Variants in STK17B observed in about 807,000 individuals in gnomAD.
The protein encoded by STK17B is serine/threonine-protein kinase 17B.
STK17B carries 21 observed loss-of-function variants against 42.0 expected under a neutral mutation model. That is an observed-to-expected ratio of 0.50 (90% CI 0.35 to 0.72). STK17B has a LOEUF of 0.72. Among genes scored for constraint, STK17B ranks in the 30% least tolerant of loss-of-function variants. The probability of loss-of-function intolerance (pLI) is 0.00; values close to 1 mark genes in which losing one functional copy is unlikely to be tolerated. For synonymous variants in STK17B, 143 were observed against 148.4 expected, an observed-to-expected ratio of 0.96 and a Z score of 0.26; for missense variants, 349 against 446.0, an observed-to-expected ratio of 0.78 and a Z score of 1.96.
Position 196,141,311 on chromosome 2 carries a change from TA to T in STK17B, c.608-15del, listed in dbSNP as rs1559408471. On this transcript the variant is annotated splice_polypyrimidine_tract_variant and intron_variant, in intron 5 of 7. Transcript: ENST00000263955. ...GGATTTCTGGAGCTGAAAGAAAAGA[TA>T]AAACTTAAATTCAATATTGACAAAT... 2 of 1,594,778 alleles carry T rather than the reference TA, an allele frequency of 1.3e-6. No homozygotes were observed. Among genetic ancestry groups the T allele is most frequent in the Non-Finnish European group, 1.7e-6 (2 of 1,167,762 alleles).
rs1344474382 is a variant in STK17B, at chr2:196,135,227, T to C, written c.*2220A>G. 1 of 152,174 alleles carries C rather than the reference T, an allele frequency of 6.6e-6. No individual in the cohort carries two copies. The highest frequency in any genetic ancestry group is 1.5e-5 in the Non-Finnish European group (1 of 68,020). The allele number at this position is 152,174 out of a possible 1,614,324, so 9.4% of individuals were successfully genotyped here. ...TCTAAAAATTAAAAATATAATATGG[T>C]CTTCAGAAACATAATCATTTCATTA... is the stretch of plus-strand genomic sequence containing the variant. On this transcript the variant is annotated 3_prime_UTR_variant, in exon 8 of 8. Transcript: ENST00000263955.
chr2:196,145,856 C>G, intron 4 of STK17B, 55 bp downstream of exon 4: 1 of 1,500,070 alleles, frequency 6.7e-7, no homozygotes, highest in Admixed American at 2.4e-5. Context: ...ACTGTGCATA[C>G]TAAGAGCAGA....
rs1027788860 is a variant in STK17B at position 196,135,443 on chromosome 2, A to G, written c.*2004T>C. 2.0e-5 allele frequency: 3 copies of G among 152,242 alleles called. No individual in the cohort carries two copies. Among genetic ancestry groups the G allele is most frequent in the Admixed American group, 6.5e-5 (1 of 15,280 alleles). The allele number at this position is 152,242 out of a possible 1,614,324, so 9.4% of individuals were successfully genotyped here. On this transcript the variant is annotated 3_prime_UTR_variant, in exon 8 of 8. Transcript: ENST00000263955. ...TGTCATAAGAAGAGAACATAAAGTC[A>G]TATAAAGAATATAAATGTCATAATT...
At chr2:196,162,448 C>G (rs1699823954) in intron 2 of STK17B, among the ~76,000 whole-genome samples, 1 of 149,424 alleles carries the variant, frequency 6.7e-6, no homozygotes, top group Admixed American at 6.6e-5. Flanking sequence ...GCACAATACC[C>G]TAGGAATTTA....
In STK17B at chr2:196,133,811, G is replaced by C. The variant is rs982880011; in HGVS notation, c.*3636C>G. On this transcript the variant is annotated 3_prime_UTR_variant, in exon 8 of 8. Transcript: ENST00000263955. ...AATAATGTCTGTCTATATGCCTTAA[G>C]CAAGATTATTATTTAATAAAATATG... 1.3e-5 allele frequency: 2 copies of C among 152,054 alleles called. No individual in the cohort carries two copies. The highest frequency in any genetic ancestry group is 4.8e-5 in the African/African-American group (2 of 41,398). The allele number at this position is 152,054 out of a possible 1,614,324, so 9.4% of individuals were successfully genotyped here.
At position 196,133,630 on chromosome 2, in the gene STK17B, C is replaced by G. The variant is rs1385342449; in HGVS notation, c.*3817G>C. The G allele has an allele frequency of 6.6e-6, 1 of 152,184 alleles. No homozygotes were observed. The highest frequency in any genetic ancestry group is 1.5e-5 in the Non-Finnish European group (1 of 68,034). The allele number at this position is 152,184 out of a possible 1,614,324, so 9.4% of individuals were successfully genotyped here. On this transcript the variant is annotated 3_prime_UTR_variant, in exon 8 of 8. Coordinates refer to ENST00000263955, the MANE Select transcript of STK17B (RefSeq NM_004226.4). ...AGACACAAAGAGGGTTCATAGATGA[C>G]CTAGGTCAAAGGCTAGAACATGCAG... is the stretch of plus-strand genomic sequence containing the variant.
rs759242926 is a variant in STK17B at position 196,134,720 on chromosome 2, T to C, written c.*2727A>G. The C allele has an allele frequency of 6.6e-6, 1 of 152,202 alleles. No homozygotes were observed. The highest frequency in any genetic ancestry group is 2.4e-5 in the African/African-American group (1 of 41,456). The allele number at this position is 152,202 out of a possible 1,614,324, so 9.4% of individuals were successfully genotyped here. ...CATCTATTTAAAAATCCCATCTATT[T>C]AGGGATCCTACCCAAAAAGCAAATT... On this transcript the variant is annotated 3_prime_UTR_variant, in exon 8 of 8. Transcript: ENST00000263955.
intron 7 of STK17B, among the ~76,000 whole-genome samples, chr2:196,139,096 T>TG (rs1175742370): frequency 6.6e-6 from 1 of 152,176 alleles, no homozygotes; most frequent in Non-Finnish European, 1.5e-5. Flanking sequence ...CCCAAGTAGC[T>TG]GGGACTACAG....
intron 2 of STK17B, among the ~76,000 whole-genome samples, chr2:196,158,739 T>C (rs2105704973): frequency 1.0e-5 from 1 of 97,010 alleles, no homozygotes. Flanking sequence ...GGGCCAGACG[T>C]GGTGGCTCAT....
intron 3 of STK17B, chr2:196,151,152 C>T (rs978888019): frequency 6.6e-6 from 1 of 152,182 alleles, no homozygotes; most frequent in Non-Finnish European, 1.5e-5. Flanking sequence ...ATAGCATTCT[C>T]ACATAATCTC....
intron 3 of STK17B, chr2:196,154,644 T>C (rs1240241770): frequency 6.6e-6 from 1 of 152,200 alleles, no homozygotes; most frequent in African/African-American, 2.4e-5. Flanking sequence ...GTAGGATGAT[T>C]TGAGGACAGA....
At chr2:196,173,556 C>G (rs1202380613), upstream of STK17B, among the ~76,000 whole-genome samples, 3 of 152,222 alleles carry the variant, frequency 2.0e-5, no homozygotes, top group African/African-American at 7.2e-5. Flanking sequence ...ATTCCTGGTG[C>G]TGAGGAGGAG....
At chr2:196,160,467 A>G (rs1699796113) in intron 2 of STK17B, among the ~76,000 whole-genome samples, 1 of 152,262 alleles carries the variant, frequency 6.6e-6, no homozygotes, top group African/African-American at 2.4e-5. Flanking sequence ...TTGCTAAAGG[A>G]AAATGAATTA....
intron 2 of STK17B, among the ~76,000 whole-genome samples, chr2:196,159,249 T>C (rs1395256576): frequency 6.6e-6 from 1 of 151,998 alleles, no homozygotes; most frequent in Non-Finnish European, 1.5e-5. Context: ...AATAATTTTA[T>C]TATTTATTTT....
In STK17B at chr2:196,146,059, A is replaced by T; in HGVS notation, c.336-4T>A. ...GAAAATTTCTCCACCTGCAGCACTA[A>T]AATAAAATTCAAAGAACAGAGACTT... On this transcript the variant is annotated splice_region_variant and splice_polypyrimidine_tract_variant and intron_variant, in intron 3 of 7. Transcript: ENST00000263955. The T allele has an allele frequency of 6.3e-7, 1 of 1,576,872 alleles. No homozygotes were observed. The highest frequency in any genetic ancestry group is 1.2e-5 in the South Asian group (1 of 84,544).
chr2:196,156,357 C>T (rs1699737783), intron 3 of STK17B, 82 bp downstream of exon 3: 1 of 1,165,020 alleles, frequency 8.6e-7, no homozygotes, highest in Non-Finnish European at 1.2e-6. Flanking sequence ...AAGTTCTTGT[C>T]ACACCTTTAT....
intron 3 of STK17B, among the ~76,000 whole-genome samples, chr2:196,152,623 T>C (rs1699681130): frequency 6.6e-6 from 1 of 152,180 alleles, no homozygotes; most frequent in African/African-American, 2.4e-5. Context: ...TTTAAGAAAC[T>C]GGCCATAATA....
At chr2:196,149,760 TATC>T (rs1255961631) in intron 3 of STK17B, among the ~76,000 whole-genome samples, 5 of 152,180 alleles carry the variant, frequency 3.3e-5, no homozygotes, top group African/African-American at 1.2e-4. Flanking sequence ...TACAGGAACA[TATC>T]ATAAAGTAAC....
At chr2:196,175,641 G>A (rs905685369), upstream of STK17B, among the ~76,000 whole-genome samples, 2 of 152,034 alleles carry the variant, frequency 1.3e-5, no homozygotes, top group Admixed American at 1.3e-4. Context: ...AATAAATAAA[G>A]TTTTTCAATA....
Sources: gnomAD v4.1 joint callset for allele counts (sites outside exome capture counted in the v4.1 genomes callset) on GRCh38, gnomAD v4.1.1 for gene constraint, MANE v1.5 for transcripts, NCBI Gene and HGNC (gene_info 2026-07-23, HGNC 2026-07-21) for gene names.